Variants in WDR44 observed in about 807,000 individuals in gnomAD.
WDR44 encodes WD repeat domain 44, also known as WD repeat-containing protein 44.
In WDR44, 9 loss-of-function variants were observed where a neutral mutation model predicts 65.7. That is an observed-to-expected ratio of 0.14 (90% CI 0.08 to 0.24). The LOEUF (loss-of-function observed/expected upper bound fraction) is 0.24, where lower values mean the gene tolerates loss of function less well. WDR44 is among the 10% of genes least tolerant of loss of function. The pLI is 1.00. For synonymous variants in WDR44, 220 were observed against 235.2 expected (o/e 0.94, Z 0.59); for missense variants, 425 against 670.9 (o/e 0.63, Z 4.05).
intron 4 of WDR44, 34 bp from the exon 5 acceptor site, chrX:118,394,021 G>A (rs759277470): frequency 1.7e-6 from 2 of 1,164,825 alleles, no homozygotes; most frequent in South Asian, 3.7e-5. Context: ...AACAAAAAGG[G>A]TTGTTATTAT....
At chrX:118,409,261 C>T (rs1393094585) in intron 10 of WDR44, among the ~76,000 whole-genome samples, 1 of 110,974 alleles carries the variant, frequency 9.0e-6, no homozygotes, top group African/African-American at 3.3e-5. Context: ...TCCTAAGTGG[C>T]TGGGATTACA....
At chrX:118,415,334 G>A (rs2075620829) in intron 12 of WDR44, among the ~76,000 whole-genome samples, 1 of 111,858 alleles carries the variant, frequency 8.9e-6, no homozygotes, top group African/African-American at 3.2e-5. Flanking sequence ...TTGGTCTGTA[G>A]TTTTCTTTTT....
chrX:118,440,662 C>T (rs529948515), intron 14 of WDR44, among the ~76,000 whole-genome samples: 32 of 111,634 alleles, frequency 2.9e-4, no homozygotes, highest in African/African-American at 1.0e-3. Context: ...AAAGTGCTAC[C>T]TACTTTATCC....
chrX:118,444,645 A>G, intron 19 of WDR44, 151 bp downstream of exon 19: 2 of 715,302 alleles, frequency 2.8e-6, no homozygotes, highest in South Asian at 6.2e-5. Context: ...CCCAGGCTGG[A>G]GCGCAGTGAC....
At chrX:118,349,504 C>T (rs1322386354) in intron 1 of WDR44, among the ~76,000 whole-genome samples, 3 of 109,930 alleles carry the variant, frequency 2.7e-5, no homozygotes, top group African/African-American at 9.9e-5. Context: ...AGGCATGAGC[C>T]ATCTCGCCAG....
chrX:118,430,998 A>G (rs1282434293), intron 12 of WDR44, among the ~76,000 whole-genome samples: 2 of 111,988 alleles, frequency 1.8e-5, no homozygotes, highest in Admixed American at 1.9e-4. Flanking sequence ...GTCTACCTCC[A>G]TGGTTGATGT....
intron 12 of WDR44, among the ~76,000 whole-genome samples, chrX:118,428,323 G>A (rs1264137599): frequency 9.1e-6 from 1 of 109,697 alleles, no homozygotes; most frequent in Non-Finnish European, 1.9e-5. Flanking sequence ...GATTATTTTT[G>A]TAGAGACAGT....
At chrX:118,377,953 CT>C (rs970351228) in intron 1 of WDR44, among the ~76,000 whole-genome samples, 23 of 108,018 alleles carry the variant, frequency 2.1e-4, no homozygotes, top group African/African-American at 7.4e-4. Flanking sequence ...GTCTTCTCCA[CT>C]TTTTTTTTCT....
intron 3 of WDR44, among the ~76,000 whole-genome samples, chrX:118,388,770 T>G (rs1056483367): frequency 1.8e-5 from 2 of 111,853 alleles, no homozygotes; most frequent in Non-Finnish European, 3.8e-5. Context: ...TTCCTTCTGG[T>G]CCTCATCCAT....
At chrX:118,418,463 A>C (rs760319734) in intron 12 of WDR44, among the ~76,000 whole-genome samples, 1 of 110,801 alleles carries the variant, frequency 9.0e-6, no homozygotes, top group South Asian at 3.9e-4. Flanking sequence ...TTCTGGGTCT[A>C]GCCACCCAGC....
In WDR44 at chrX:118,383,344, T is replaced by C. The variant is rs2056735258; in HGVS notation, c.112-3996T>C. Among the ~76,000 whole-genome samples the C allele has an allele frequency of 2.7e-5, 3 of 109,629 alleles. No homozygotes were observed. In the South Asian group the frequency reaches 1.1e-3, roughly 41 times the overall value. On this transcript the variant is annotated intron_variant, in intron 2 of 19. Coordinates refer to ENST00000254029, the MANE Select transcript of WDR44 (RefSeq NM_019045.5). ...GCAGTGACACATAGGCCAAGTGCAG[T>C]GACTCACGCCTGTTATCCCAACACT...
In WDR44 at chrX:118,382,509, C is replaced by A. The variant is rs1272964350; in HGVS notation, c.111+4057C>A. 4.5e-5 allele frequency among the ~76,000 whole-genome samples: 5 copies of A among 112,013 alleles called. 1 individual carries two copies. Among genetic ancestry groups the A allele is most frequent in the African/African-American group, 1.6e-4 (5 of 30,868 alleles). ...GTTTTTCTCCTTTTTTAAAAAATTTCACTTTAGTAGCTTCCCTTCCCTTAC... is the reference window on the plus strand; with the variant it reads ...GTTTTTCTCCTTTTTTAAAAAATTTAACTTTAGTAGCTTCCCTTCCCTTAC... On this transcript the variant is annotated intron_variant, in intron 2 of 19. Transcript: ENST00000254029.
At chrX:118,360,489 G>C (rs2802608) in intron 1 of WDR44, among the ~76,000 whole-genome samples, 47,395 of 110,989 alleles carry the variant, frequency 0.43, 10,308 homozygotes, top group African/African-American at 0.84. Context: ...GTTTCCTGAG[G>C]ACCAGACACG....
rs370326081 is a variant in WDR44, at chrX:118,392,945, A to G, written c.500A>G (p.Asn167Ser). 3.0e-5 allele frequency: 36 copies of G among 1,211,106 alleles called. 1 individual carries two copies. The highest frequency in any genetic ancestry group is 5.3e-5 in the South Asian group (3 of 56,902). Residue 167 changes from asparagine to serine, a missense_variant, in exon 4 of 20, where the codon AAT becomes AGT. Physicochemically the swap from Asn to Ser is conservative, Grantham distance 46. Around this residue, in one of 5 missense-constraint regions of WDR44, gnomAD observed 193 missense variants for 209.0 expected, o/e 0.92. Coordinates refer to ENST00000254029, the MANE Select transcript of WDR44 (RefSeq NM_019045.5). ...CAAACAAGTTCAACTGAGCAGCTTA[A>G]TGTGCTTGAAACTGAAACAGAAGTA... Reference protein sequence around the residue: ...LTQTSSTEQLNVLETETEVLN... With the variant: ...LTQTSSTEQLSVLETETEVLN...
intron 12 of WDR44, among the ~76,000 whole-genome samples, chrX:118,413,912 T>A (rs756759717): frequency 8.9e-6 from 1 of 111,915 alleles, no homozygotes; most frequent in African/African-American, 3.2e-5. Flanking sequence ...TAGCCAGTTA[T>A]CTCAGCACCA....
intron 2 of WDR44, among the ~76,000 whole-genome samples, chrX:118,379,776 TAAA>T (rs1321676780): frequency 1.8e-5 from 2 of 111,889 alleles, no homozygotes; most frequent in East Asian, 2.8e-4. Context: ...TTACGCTAAA[TAAA>T]AATTATTTTG....
intron 1 of WDR44, among the ~76,000 whole-genome samples, chrX:118,348,801 G>T (rs1383314816): frequency 9.0e-6 from 1 of 111,671 alleles, no homozygotes; most frequent in African/African-American, 3.3e-5. Context: ...AATATGTTCT[G>T]TTCCTTCATA....
In WDR44 at chrX:118,392,677, G is replaced by A. The variant is rs779537868; in HGVS notation, c.232G>A (p.Glu78Lys). The A allele has an allele frequency of 4.1e-6, 5 of 1,209,500 alleles. No individual in the cohort carries two copies. In the South Asian group the frequency reaches 7.1e-5, roughly 17 times the overall value. ...IEESQKVLQLEDDSLDSKGKE... is the reference protein window; with the variant it reads ...IEESQKVLQLKDDSLDSKGKE... ...GGAGAGTCAGAAAGTACTACAGCTT[G>A]AAGATGACTCTTTGGATTCCAAAGG... Residue 78 changes from glutamate to lysine, a missense_variant, in exon 4 of 20, where the codon GAA becomes AAA. This residue lies in a region of WDR44 where 193 missense variants were observed against 209.0 expected (regional missense o/e 0.92). Coordinates refer to ENST00000254029, the MANE Select transcript of WDR44 (RefSeq NM_019045.5).
intron 14 of WDR44, among the ~76,000 whole-genome samples, chrX:118,440,197 A>G (rs1313553796): frequency 9.1e-6 from 1 of 109,806 alleles, no homozygotes; most frequent in African/African-American, 3.3e-5. Context: ...GGTAGGACTG[A>G]TTTAGTTTAA....
Sources: allele counts gnomAD v4.1 joint callset (sites outside exome capture counted in the v4.1 genomes callset), GRCh38; gene constraint gnomAD v4.1.1; regional missense constraint gnomAD v4.1.1; transcripts MANE v1.5; gene names NCBI Gene and HGNC (gene_info 2026-07-23, HGNC 2026-07-21).